ZNF330: variants seen among roughly 807,000 people sequenced by gnomAD.
ZNF330 encodes the protein zinc finger protein 330.
Under a neutral mutation model 45.5 loss-of-function variants are expected in ZNF330, and 31 were observed. The observed-to-expected ratio is 0.68, with a 90% CI of 0.51 to 0.92. ZNF330 has a LOEUF of 0.92. Among genes scored for constraint, ZNF330 ranks in the 40% least tolerant of loss-of-function variants. The pLI is 0.00. For missense variants in ZNF330, 356 were observed against 387.4 expected, an observed-to-expected ratio of 0.92 and a Z score of 0.68; for synonymous variants, 138 against 123.2, an observed-to-expected ratio of 1.12 and a Z score of -0.79.
chr4:141,223,797 G>A (rs1292584329), intron 2 of ZNF330: 1 of 456,152 alleles, frequency 2.2e-6, no homozygotes, highest in East Asian at 6.9e-5. Flanking sequence ...TTGGCTGTGT[G>A]TGGAAGGGGT....
chr4:141,227,196 A>G (rs1728827867), intron 5 of ZNF330, among the ~76,000 whole-genome samples: 1 of 151,396 alleles, frequency 6.6e-6, no homozygotes, highest in African/African-American at 2.4e-5. Flanking sequence ...TTTGTTACAT[A>G]TGTATACATG....
At position 141,234,150 on chromosome 4, in the gene ZNF330, C is replaced by A; in HGVS notation, c.*161C>A. ...AATAGGGTGTAGCGTTTTTATAGAA[C>A]TGATAATCAGGCTTATGGCATAAGA... On this transcript the variant is annotated 3_prime_UTR_variant, in exon 10 of 10. Transcript: ENST00000262990. The A allele has an allele frequency of 7.6e-7, 1 of 1,310,462 alleles. No individual in the cohort carries two copies. The highest frequency in any genetic ancestry group is 9.9e-7 in the Non-Finnish European group (1 of 1,011,050). The allele number at this position is 1,310,462 out of a possible 1,614,324, so 81.2% of individuals were successfully genotyped here. A position where few individuals can be genotyped will look rare whatever the true frequency, so the allele number is the denominator to read the frequency against.
In ZNF330 at chr4:141,221,051, C is replaced by T. The variant is rs555954687; in HGVS notation, c.-64C>T. The T allele has an allele frequency of 6.6e-6, 1 of 152,424 alleles. No individual in the cohort carries two copies. Among genetic ancestry groups the T allele is most frequent in the East Asian group, 1.9e-4 (1 of 5,184 alleles). 9.4% of individuals were successfully genotyped at this position (152,424 alleles called of 1,614,324 possible). Reference sequence around the variant, plus strand: ...ACGCCATTCCCTGTCCCTCGGCCCCCTGAGTGAGTCCGGTCTCCCGGCGAA... The same window carrying T: ...ACGCCATTCCCTGTCCCTCGGCCCCTTGAGTGAGTCCGGTCTCCCGGCGAA... On this transcript the variant is annotated 5_prime_UTR_variant, in exon 1 of 10. Transcript: ENST00000262990.
At chr4:141,226,524 T>C (rs1578809274) in intron 4 of ZNF330, among the ~76,000 whole-genome samples, 1 of 152,286 alleles carries the variant, frequency 6.6e-6, no homozygotes, top group African/African-American at 2.4e-5. Context: ...TTAGCATATA[T>C]ATTGTATAGT....
At chr4:141,229,731 A>G in intron 6 of ZNF330, 34 bp downstream of exon 6, 4 of 1,611,796 alleles carry the variant, frequency 2.5e-6, no homozygotes, top group Non-Finnish European at 2.5e-6. Context: ...GAGCTTTGTT[A>G]TAGGTGAATG....
At chr4:141,228,097 A>G (rs1728854245) in intron 5 of ZNF330, among the ~76,000 whole-genome samples, 1 of 152,134 alleles carries the variant, frequency 6.6e-6, no homozygotes, top group Admixed American at 6.5e-5. Context: ...GTAAACTTCT[A>G]TTATGAGGGA....
Position 141,226,775 on chromosome 4 carries a change from A to G in ZNF330, c.220A>G (p.Lys74Glu). The G allele has an allele frequency of 6.2e-7, 1 of 1,612,848 alleles. No homozygotes were observed. The highest frequency in any genetic ancestry group is 8.5e-7 in the Non-Finnish European group (1 of 1,179,238). ...LPICAQCGKT[K>E]CMMKSSDCVI... ...ATGTTTTTCTTCATTAGGGAAAACA[A>G]AGTGCATGATGAAGTCTTCAGACTG... Residue 74 changes from lysine to glutamate, a missense_variant, in exon 5 of 10, where the codon AAG becomes GAG. Physicochemically the swap from Lys to Glu is moderately conservative, Grantham distance 56. Transcript: ENST00000262990.
chr4:141,220,589 G>A (rs1458092098), upstream of ZNF330, among the ~76,000 whole-genome samples: 1 of 152,224 alleles, frequency 6.6e-6, no homozygotes, highest in Non-Finnish European at 1.5e-5. Flanking sequence ...AAGATGTAGA[G>A]GTGGGGAAAG....
chr4:141,223,211 G>A (rs994997533), intron 2 of ZNF330, among the ~76,000 whole-genome samples: 1 of 152,078 alleles, frequency 6.6e-6, no homozygotes, highest in Non-Finnish European at 1.5e-5. Context: ...GAATTACATG[G>A]TCTCTATTTC....
At chr4:141,226,959 A>G (rs1178453938) in intron 5 of ZNF330, 113 bp downstream of exon 5, 5 of 752,080 alleles carry the variant, frequency 6.6e-6, no homozygotes, top group Non-Finnish European at 1.0e-5. Flanking sequence ...GTTTCAATCA[A>G]TCTGTAGTTA....
chr4:141,224,449 C>G (rs541047533), intron 2 of ZNF330, 38 bp from the exon 3 acceptor site: 1 of 1,589,978 alleles, frequency 6.3e-7, no homozygotes, highest in African/African-American at 1.4e-5. Context: ...AGTTTTCAGT[C>G]AGCAGAAAAA....
chr4:141,230,209 T>C lies in ZNF330; in HGVS notation c.462T>C (p.Cys154=), dbSNP rs768285704. 2 of 1,611,868 alleles carry C rather than the reference T, an allele frequency of 1.2e-6. No individual in the cohort carries two copies. Among genetic ancestry groups the C allele is most frequent in the Non-Finnish European group, 1.7e-6 (2 of 1,178,804 alleles). The part of the protein sequence containing the change: ...FSCSFCHNFL[C]EDDQFEHQAS... ...GTTCTTTTTGCCATAACTTTCTCTG[T>C]GAAGATGATCAATTTGAGCATCAAG... The change falls in exon 7 of 10, where the codon TGT becomes TGC. Residue 154 remains cysteine (C), a synonymous_variant. Transcript: ENST00000262990.
At position 141,226,753 on chromosome 4, in the gene ZNF330, T is replaced by C. The variant is rs200174128; in HGVS notation, c.212-14T>C. 235 of 1,610,360 alleles carry C rather than the reference T, an allele frequency of 1.5e-4. 2 individuals carry two copies. In the African/African-American group the frequency reaches 2.9e-3, roughly 20 times the overall value. On this transcript the variant is annotated splice_polypyrimidine_tract_variant and intron_variant, in intron 4 of 9. Transcript: ENST00000262990. ...CTTTGCAAGACTAACAGTGCAAATG[T>C]TTTTCTTCATTAGGGAAAACAAAGT...
At chr4:141,232,262 T>A (rs1728978076) in intron 8 of ZNF330, among the ~76,000 whole-genome samples, 1 of 152,146 alleles carries the variant, frequency 6.6e-6, no homozygotes, top group Non-Finnish European at 1.5e-5. Context: ...TCAGGGACCT[T>A]ATGAGTACTG....
chr4:141,233,718 G>C lies in ZNF330; in HGVS notation c.692G>C (p.Arg231Pro), dbSNP rs148616011. Residue 231 changes from arginine (R) to proline (P), a missense_variant, in exon 10 of 10, where the codon CGC (arginine) becomes CCC (proline). Transcript: ENST00000262990. ...QETKDLSMST[R>P]SLKFGRQTGG... The stretch of plus-strand genomic sequence containing the variant: ...TGTACTTGTCTGTCTTCTATAGCAC[G>C]CTCCCTGAAATTTGGCAGGCAGACT... 6 of 1,612,516 alleles carry C rather than the reference G, an allele frequency of 3.7e-6. No individual in the cohort carries two copies. Among genetic ancestry groups the C allele is most frequent in the African/African-American group, 1.3e-5 (1 of 74,828 alleles).
chr4:141,220,617 A>G (rs1728648316), upstream of ZNF330, among the ~76,000 whole-genome samples: 1 of 152,226 alleles, frequency 6.6e-6, no homozygotes. Context: ...ACAGAATTCA[A>G]CATGAATTTG....
intron 9 of ZNF330, among the ~76,000 whole-genome samples, chr4:141,233,043 G>A (rs565869201): frequency 3.9e-4 from 60 of 152,100 alleles, no homozygotes; most frequent in Middle Eastern, 3.4e-3. Flanking sequence ...TGATATTTGA[G>A]CACCTATGTT....
At chr4:141,220,850 C>T (rs932074613), upstream of ZNF330, 1 of 152,282 alleles carries the variant, frequency 6.6e-6, no homozygotes, top group Non-Finnish European at 1.5e-5. Flanking sequence ...GCGGAGCGAA[C>T]AGAGGTGGGC....
At chr4:141,232,838 T>TA (rs1560788992) in intron 9 of ZNF330, among the ~76,000 whole-genome samples, 196 bp downstream of exon 9, 1 of 152,080 alleles carries the variant, frequency 6.6e-6, no homozygotes, top group Non-Finnish European at 1.5e-5. Context: ...AATAGACCAA[T>TA]ATTCATTTTG....
Sources: gnomAD v4.1 joint callset for allele counts (sites outside exome capture counted in the v4.1 genomes callset) on GRCh38, gnomAD v4.1.1 for gene constraint, MANE v1.5 for transcripts, NCBI Gene and HGNC (gene_info 2026-07-23, HGNC 2026-07-21) for gene names.